Variants in SYT1 observed in about 807,000 individuals in gnomAD.
SYT1 encodes the protein synaptotagmin-1.
In SYT1, 8 loss-of-function variants were observed where a neutral mutation model predicts 44.8. The ratio of observed to expected loss-of-function variants is 0.18; its 90% CI spans 0.10 to 0.32. The LOEUF (loss-of-function observed/expected upper bound fraction) is 0.32. Among genes scored for constraint, SYT1 ranks in the 10% least tolerant of loss-of-function variants. The pLI, the probability that SYT1 is intolerant of heterozygous loss-of-function variation, is 1.00. For synonymous variants in SYT1, 154 were observed against 188.8 expected (o/e 0.82, Z 1.51); for missense variants, 286 against 509.3 (o/e 0.56, Z 4.22).
chr12:79,202,518 G>A (rs1190714671), intron 3 of SYT1, among the ~76,000 whole-genome samples: 1 of 152,164 alleles, frequency 6.6e-6, no homozygotes, highest in Non-Finnish European at 1.5e-5. Flanking sequence ...AGAAACAAAA[G>A]CAAAGAAGAA....
chr12:79,182,357 C>T (rs1051148692), intron 3 of SYT1, among the ~76,000 whole-genome samples: 2 of 151,986 alleles, frequency 1.3e-5, no homozygotes, highest in African/African-American at 2.4e-5. Context: ...CCTAAATGCT[C>T]TTATTCTCTC....
chr12:79,384,057 G>A (rs781138738), intron 9 of SYT1, among the ~76,000 whole-genome samples: 117 of 152,088 alleles, frequency 7.7e-4, no homozygotes, highest in Non-Finnish European at 1.3e-3. Context: ...AGGCTGAGAG[G>A]TGATCACGTT....
intron 9 of SYT1, among the ~76,000 whole-genome samples, chr12:79,379,369 GC>G (rs1403035384): frequency 6.6e-6 from 1 of 152,050 alleles, no homozygotes; most frequent in Non-Finnish European, 1.5e-5. Flanking sequence ...AAGAAAATTG[GC>G]CTTTTTGAAG....
At chr12:79,367,977 A>G (rs983495840) in intron 9 of SYT1, among the ~76,000 whole-genome samples, 9 of 151,916 alleles carry the variant, frequency 5.9e-5, no homozygotes, top group South Asian at 2.1e-4. Context: ...ATATGTATAC[A>G]TGTGCCATGC....
At chr12:79,426,692 G>A (rs928616676) in intron 9 of SYT1, among the ~76,000 whole-genome samples, 2 of 152,160 alleles carry the variant, frequency 1.3e-5, no homozygotes, top group African/African-American at 2.4e-5. Context: ...AAAAAGTACA[G>A]CCACACAACA....
intron 3 of SYT1, among the ~76,000 whole-genome samples, chr12:79,188,826 A>G (rs897180046): frequency 1.2e-4 from 18 of 152,254 alleles, no homozygotes; most frequent in African/African-American, 4.1e-4. Context: ...TAAAAATCCA[A>G]TGAATGTGGA....
At chr12:79,141,247 A>G (rs1387908574) in intron 3 of SYT1, among the ~76,000 whole-genome samples, 2 of 152,040 alleles carry the variant, frequency 1.3e-5, no homozygotes, top group Non-Finnish European at 2.9e-5. Flanking sequence ...TGGTACATTA[A>G]TATTGTCTGT....
intron 3 of SYT1, among the ~76,000 whole-genome samples, chr12:79,140,962 C>T (rs1307688819): frequency 6.6e-6 from 1 of 152,182 alleles, no homozygotes; most frequent in Non-Finnish European, 1.5e-5. Context: ...CAGTCAAAGC[C>T]ATACAGTGCC....
rs556453090 is a variant in SYT1, at chr12:79,240,421, G to A, written c.166+22736G>A. Among the ~76,000 whole-genome samples the A allele has an allele frequency of 4.6e-5, 7 of 152,282 alleles. 1 individual carries two copies. Among genetic ancestry groups the A allele is most frequent in the African/African-American group, 1.4e-4 (6 of 41,556 alleles). ...TTTTTGCAGGGTTAGCAGCAGCATG[G>A]TTATTATAGTGGTGATATCTTCCAG... On this transcript the variant is annotated intron_variant, in intron 4 of 10. Coordinates refer to ENST00000261205, the MANE Select transcript of SYT1 (RefSeq NM_005639.3).
intron 8 of SYT1, among the ~76,000 whole-genome samples, chr12:79,353,020 A>G (rs1007727039): frequency 6.6e-6 from 1 of 152,338 alleles, no homozygotes; most frequent in Non-Finnish European, 1.5e-5. Context: ...ATTTAATGAC[A>G]CACAAATGCA....
intron 2 of SYT1, among the ~76,000 whole-genome samples, chr12:78,992,803 G>A (rs1366323355): frequency 2.0e-5 from 3 of 152,160 alleles, no homozygotes; most frequent in Non-Finnish European, 4.4e-5. Flanking sequence ...TAAGGTATCT[G>A]AGCTGCAGTC....
chr12:79,190,769 A>C (rs1440427999), intron 3 of SYT1, among the ~76,000 whole-genome samples: 3 of 152,132 alleles, frequency 2.0e-5, no homozygotes, highest in African/African-American at 7.2e-5. Flanking sequence ...TTCTGTTAGC[A>C]AGGCTAATTT....
At chr12:79,123,309 A>ATGTGTGTGTGTGTGTGTGTGTGTGTG (rs66869713) in intron 3 of SYT1, among the ~76,000 whole-genome samples, 2 of 141,542 alleles carry the variant, frequency 1.4e-5, no homozygotes, top group African/African-American at 2.6e-5. Context: ...TAAAAATGCA[A>ATGTGTGTGTGTGTGTGTGTGTGTGTG]TGTGTGTGTG....
intron 1 of SYT1, among the ~76,000 whole-genome samples, chr12:78,890,966 A>G (rs1414421418): frequency 6.6e-6 from 1 of 151,970 alleles, no homozygotes; most frequent in Non-Finnish European, 1.5e-5. Flanking sequence ...GATTTTAGGT[A>G]CATAGCTCAC....
intron 3 of SYT1, among the ~76,000 whole-genome samples, chr12:79,149,884 C>T (rs1446381074): frequency 1.3e-5 from 2 of 152,104 alleles, no homozygotes. Flanking sequence ...ATCTTCAATG[C>T]CAAGCATCAT....
chr12:79,051,825 A>T (rs1254133417), intron 3 of SYT1, among the ~76,000 whole-genome samples: 1 of 152,046 alleles, frequency 6.6e-6, no homozygotes, highest in Non-Finnish European at 1.5e-5. Flanking sequence ...TTTGTCAAAG[A>T]TCAGATAGCT....
At chr12:78,887,779 G>A (rs960493504) in intron 1 of SYT1, among the ~76,000 whole-genome samples, 30 of 151,950 alleles carry the variant, frequency 2.0e-4, no homozygotes, top group African/African-American at 7.2e-4. Flanking sequence ...ATTGAAGTAG[G>A]TGATGACATA....
intron 3 of SYT1, among the ~76,000 whole-genome samples, chr12:79,138,390 G>A (rs1458524416): frequency 6.6e-6 from 1 of 152,124 alleles, no homozygotes; most frequent in Non-Finnish European, 1.5e-5. Context: ...TTGCTATTTA[G>A]TAATGCAATA....
chr12:78,981,942 G>A (rs946859934), intron 2 of SYT1, among the ~76,000 whole-genome samples: 2 of 152,168 alleles, frequency 1.3e-5, no homozygotes, highest in Non-Finnish European at 2.9e-5. Flanking sequence ...CCTAGGGATG[G>A]AGGGCTAGGA....
Sources: allele counts gnomAD v4.1 joint callset (sites outside exome capture counted in the v4.1 genomes callset), GRCh38; gene constraint gnomAD v4.1.1; transcripts MANE v1.5; gene names NCBI Gene and HGNC (gene_info 2026-07-23, HGNC 2026-07-21).